Variants in SCARA5 observed in about 807,000 individuals in gnomAD.
The protein encoded by SCARA5 is scavenger receptor class A, member 5 (putative).
A neutral mutation model predicts 46.3 loss-of-function variants in SCARA5; 45 were observed. The ratio of observed to expected loss-of-function variants is 0.97; its 90% CI spans 0.76 to 1.24. SCARA5 has a LOEUF of 1.24. SCARA5 is among the 50% of genes most tolerant of loss of function. The probability of loss-of-function intolerance (pLI) is 0.00; values close to 1 mark genes in which losing one functional copy is unlikely to be tolerated. For synonymous variants in SCARA5, 333 were observed against 306.5 expected (o/e 1.09, Z -0.90); for missense variants, 680 against 689.0 (o/e 0.99, Z 0.15).
At chr8:27,960,432 C>T (rs1197308479) in intron 3 of SCARA5, among the ~76,000 whole-genome samples, 15 of 152,312 alleles carry the variant, frequency 9.8e-5, no homozygotes, top group Admixed American at 9.2e-4. Flanking sequence ...CTGCCTCGGC[C>T]TCCCAAGAGC....
intron 3 of SCARA5, among the ~76,000 whole-genome samples, chr8:27,958,831 A>G (rs1808246238): frequency 6.6e-6 from 1 of 152,222 alleles, no homozygotes; most frequent in African/African-American, 2.4e-5. Context: ...TTCCTTTGAA[A>G]GAGATCTGGG....
At chr8:27,938,670 C>T (rs537314319) in intron 3 of SCARA5, among the ~76,000 whole-genome samples, 4 of 152,278 alleles carry the variant, frequency 2.6e-5, no homozygotes, top group Admixed American at 6.5e-5. Context: ...GAGAGATGGG[C>T]GTGAGGCTGC....
At chr8:27,988,700 CAT>C (rs1283446682) in intron 1 of SCARA5, among the ~76,000 whole-genome samples, 2 of 152,222 alleles carry the variant, frequency 1.3e-5, no homozygotes, top group Non-Finnish European at 2.9e-5. Context: ...GTTTTTGTCA[CAT>C]AAATGCTCAG....
chr8:27,875,934 G>A (rs1055413201), intron 8 of SCARA5, among the ~76,000 whole-genome samples: 5 of 152,148 alleles, frequency 3.3e-5, no homozygotes, highest in African/African-American at 4.8e-5. Context: ...CTGGGAGGTC[G>A]AGGCTGCAGC....
intron 2 of SCARA5, among the ~76,000 whole-genome samples, chr8:27,971,465 C>A (rs962675788): frequency 2.0e-5 from 3 of 152,214 alleles, no homozygotes; most frequent in Non-Finnish European, 4.4e-5. Context: ...CTGTGTGAAC[C>A]ATCTGCAGGA....
At chr8:27,876,252 G>C (rs1466830518) in intron 8 of SCARA5, among the ~76,000 whole-genome samples, 2 of 152,212 alleles carry the variant, frequency 1.3e-5, no homozygotes, top group African/African-American at 4.8e-5. Flanking sequence ...AGAGGGTAGG[G>C]AATCTAGTCA....
At chr8:27,898,232 A>C (rs949999408) in intron 7 of SCARA5, among the ~76,000 whole-genome samples, 1 of 123,078 alleles carries the variant, frequency 8.1e-6, no homozygotes, top group South Asian at 3.0e-4. Context: ...TCGGAATTGA[A>C]CTGTTTTCTG....
In SCARA5 at chr8:27,871,232, G is replaced by C. The variant is rs1806632691; in HGVS notation, c.*702C>G. 6.3e-6 allele frequency: 1 copy of C among 159,810 alleles called. No individual in the cohort carries two copies. The allele number at this position is 159,810 out of a possible 1,614,324, so 9.9% of individuals were successfully genotyped here. On this transcript the variant is annotated 3_prime_UTR_variant, in exon 9 of 9. Transcript: ENST00000354914. ...GGCTGTATCCAGACTGACATGCCCTGGACCAATGCAGCTAAGTGGATACAT... is the reference window on the plus strand; with the variant it reads ...GGCTGTATCCAGACTGACATGCCCTCGACCAATGCAGCTAAGTGGATACAT...
chr8:27,897,753 G>A (rs1282405549), intron 7 of SCARA5, among the ~76,000 whole-genome samples: 1 of 152,238 alleles, frequency 6.6e-6, no homozygotes, highest in Non-Finnish European at 1.5e-5. Flanking sequence ...GCCCCCACTA[G>A]ATAAGGCGTC....
intron 3 of SCARA5, among the ~76,000 whole-genome samples, chr8:27,927,091 A>G (rs1394936575): frequency 6.6e-6 from 1 of 152,170 alleles, no homozygotes; most frequent in Non-Finnish European, 1.5e-5. Flanking sequence ...GCCGAGGGCC[A>G]AGACCCTGAA....
intron 5 of SCARA5, among the ~76,000 whole-genome samples, chr8:27,908,338 G>GTGGTGA (rs112080906): frequency 6.6e-6 from 1 of 152,062 alleles, no homozygotes; most frequent in Non-Finnish European, 1.5e-5. Flanking sequence ...GCCACCTCCT[G>GTGGTGA]CGGTGACGGT....
intron 3 of SCARA5, among the ~76,000 whole-genome samples, chr8:27,959,992 C>T (rs144309629): frequency 2.3e-4 from 35 of 152,296 alleles, no homozygotes; most frequent in Admixed American, 7.2e-4. Context: ...AACAATGTCT[C>T]CAGGCTTCCC....
intron 2 of SCARA5, among the ~76,000 whole-genome samples, chr8:27,974,109 G>C (rs1405685910): frequency 6.6e-6 from 1 of 152,136 alleles, no homozygotes; most frequent in African/African-American, 2.4e-5. Flanking sequence ...AGGCTACATT[G>C]TGGAGAGAAC....
At chr8:27,935,291 G>A (rs560279398) in intron 3 of SCARA5, among the ~76,000 whole-genome samples, 4 of 152,268 alleles carry the variant, frequency 2.6e-5, no homozygotes, top group East Asian at 3.9e-4. Context: ...AACAGGCCTG[G>A]GCAGGAGACC....
intron 3 of SCARA5, among the ~76,000 whole-genome samples, chr8:27,935,788 C>A (rs1424842507): frequency 6.6e-6 from 1 of 152,078 alleles, no homozygotes; most frequent in East Asian, 1.9e-4. Context: ...GTAAGTGGGT[C>A]ATTCAAACAA....
rs1190179172 is a variant in SCARA5 at position 27,972,050 on chromosome 8, C to T, written c.113-5508G>A. Among the ~76,000 whole-genome samples the T allele has an allele frequency of 3.3e-5, 5 of 152,242 alleles. No homozygotes were observed. The East Asian group carries it at 9.7e-4, about 29-fold the overall frequency. On this transcript the variant is annotated intron_variant, in intron 2 of 8. Transcript: ENST00000354914. Reference sequence around the variant, plus strand: ...ATAGATACCTGGCTGGGCCCGGTGGCTCACCCCTGTAATCCCAGCACTTTG... The same window carrying T: ...ATAGATACCTGGCTGGGCCCGGTGGTTCACCCCTGTAATCCCAGCACTTTG...
intron 7 of SCARA5, among the ~76,000 whole-genome samples, chr8:27,881,350 C>A (rs1806809699): frequency 2.0e-5 from 3 of 152,298 alleles, no homozygotes; most frequent in Middle Eastern, 6.8e-3. Flanking sequence ...TACATATACA[C>A]CATGGAATAC....
At chr8:27,962,004 C>A (rs1313412896) in intron 3 of SCARA5, among the ~76,000 whole-genome samples, 3 of 152,088 alleles carry the variant, frequency 2.0e-5, no homozygotes, top group Non-Finnish European at 4.4e-5. Context: ...GTACATAATA[C>A]CCTTCCTTGT....
chr8:27,983,814 G>C (rs1400652155), intron 2 of SCARA5, among the ~76,000 whole-genome samples: 2 of 152,160 alleles, frequency 1.3e-5, no homozygotes, highest in African/African-American at 4.8e-5. Context: ...CCCACCACCA[G>C]GGAAGGCTGC....
Sources: allele counts gnomAD v4.1 joint callset (sites outside exome capture counted in the v4.1 genomes callset), GRCh38; gene constraint gnomAD v4.1.1; transcripts MANE v1.5; gene names NCBI Gene and HGNC (gene_info 2026-07-23, HGNC 2026-07-21).